The following BRI3BP variants were observed in gnomAD, a reference collection of about 807,000 sequenced individuals.
BRI3BP encodes BRI3 binding protein, also known as BRI3-binding protein.
In BRI3BP, 7 loss-of-function variants were observed where a neutral mutation model predicts 15.8. The ratio of observed to expected loss-of-function variants is 0.44; its 90% CI spans 0.25 to 0.83. BRI3BP has a LOEUF of 0.83. BRI3BP is among the 40% of genes least tolerant of loss of function. The probability of loss-of-function intolerance (pLI) is 0.20; values close to 1 mark genes in which losing one functional copy is unlikely to be tolerated. For missense variants in BRI3BP, 320 were observed against 339.3 expected (o/e 0.94, Z 0.45); for synonymous variants, 192 against 163.5 (o/e 1.17, Z -1.33).
At chr12:125,045,176 TA>T in the BRI3BP span, among the ~76,000 whole-genome samples, 1 of 151,758 alleles carries the variant, frequency 6.6e-6, no homozygotes, top group African/African-American at 2.4e-5. Flanking sequence ...CAGAACTAGC[TA>T]AAAAAAACCA....
At chr12:125,009,029 G>A (rs1050354256) in intron 1 of BRI3BP, among the ~76,000 whole-genome samples, 1 of 151,596 alleles carries the variant, frequency 6.6e-6, no homozygotes, top group Non-Finnish European at 1.5e-5. Flanking sequence ...AGGTTGGAGT[G>A]CAATGGCGTG....
At chr12:125,040,155 G>A in the BRI3BP span, among the ~76,000 whole-genome samples, 47 of 151,678 alleles carry the variant, frequency 3.1e-4, no homozygotes, top group African/African-American at 1.1e-3. Flanking sequence ...CCAGCTACTC[G>A]GGAGGCTGAG....
the BRI3BP span, among the ~76,000 whole-genome samples, chr12:125,039,839 T>C: frequency 0.99 from 150,256 of 152,284 alleles, 74,152 homozygotes; most frequent in East Asian, 1. Context: ...CATTCTCTCA[T>C]GAATGTACAA....
Position 124,993,912 on chromosome 12 carries a change from C to T in BRI3BP, c.122C>T (p.Ala41Val), listed in dbSNP as rs763764239. ...CAGGGGGCGCGGGGCCGCGGCGGCG[C>T]GGAGAAGAACAGCTACCGCCGCACG... is the stretch of plus-strand genomic sequence containing the variant. Reference protein sequence around the residue: ...GAQGARGRGGAEKNSYRRTVN... With the variant: ...GAQGARGRGGVEKNSYRRTVN... Residue 41 changes from alanine (A) to valine (V), a missense_variant, in exon 1 of 3, where the codon GCG (alanine) becomes GTG (valine). Physicochemically the swap from Ala to Val is moderately conservative, Grantham distance 64. Coordinates refer to ENST00000341446, the MANE Select transcript of BRI3BP (RefSeq NM_080626.6). 19 of 1,297,982 alleles carry T rather than the reference C, an allele frequency of 1.5e-5. No homozygotes were observed. In the East Asian group the frequency reaches 5.0e-4, roughly 34 times the overall value. 80.4% of individuals were successfully genotyped at this position (1,297,982 alleles called of 1,614,324 possible).
At chr12:124,997,128 C>CA (rs1414544696) in intron 1 of BRI3BP, among the ~76,000 whole-genome samples, 1 of 149,172 alleles carries the variant, frequency 6.7e-6, no homozygotes, top group African/African-American at 2.5e-5. Flanking sequence ...TGGGAACAGA[C>CA]ATGAGTTTGA....
chr12:125,050,817 C>G, the BRI3BP span, among the ~76,000 whole-genome samples: 2 of 152,186 alleles, frequency 1.3e-5, no homozygotes, highest in African/African-American at 4.8e-5. Context: ...AGGTCTTTAA[C>G]CATCTGCATA....
chr12:125,016,773 G>A (rs1277580589), intron 2 of BRI3BP, among the ~76,000 whole-genome samples: 2 of 145,394 alleles, frequency 1.4e-5, no homozygotes, highest in Non-Finnish European at 3.0e-5. Context: ...TGATCCGCCC[G>A]CCTCAGCCTC....
At chr12:125,024,914 C>G (rs1335793245) in intron 2 of BRI3BP, 77 bp from the exon 3 acceptor site, 11 of 1,348,122 alleles carry the variant, frequency 8.2e-6, no homozygotes, top group African/African-American at 2.9e-5. Context: ...CAGGCCAGCT[C>G]AACTATCCAA....
In BRI3BP at chr12:124,993,725, G is replaced by C; in HGVS notation, c.-66G>C. 2 of 916,314 alleles carry C rather than the reference G, an allele frequency of 2.2e-6. No individual in the cohort carries two copies. The highest frequency in any genetic ancestry group is 4.8e-5 in the South Asian group (1 of 20,778). The allele number at this position is 916,314 out of a possible 1,614,324, so 56.8% of individuals were successfully genotyped here. On this transcript the variant is annotated 5_prime_UTR_variant, in exon 1 of 3. Coordinates refer to ENST00000341446, the MANE Select transcript of BRI3BP (RefSeq NM_080626.6). ...GAGCGCGCCAACCTTGCCCTAGCCGGAGCCCGCTGCGGCCCAGCGCACGGC... is the reference window on the plus strand; with the variant it reads ...GAGCGCGCCAACCTTGCCCTAGCCGCAGCCCGCTGCGGCCCAGCGCACGGC...
intron 1 of BRI3BP, among the ~76,000 whole-genome samples, chr12:125,009,740 A>G (rs1198802663): frequency 1.3e-5 from 2 of 152,096 alleles, no homozygotes; most frequent in African/African-American, 2.4e-5. Context: ...CCCAGCCTCT[A>G]TACTGTTTTT....
intron 1 of BRI3BP, among the ~76,000 whole-genome samples, chr12:124,999,296 C>T (rs1411949762): frequency 8.5e-5 from 13 of 152,144 alleles, no homozygotes; most frequent in East Asian, 7.7e-4. Flanking sequence ...TTCCCACTAC[C>T]GACCCGTCTA....
chr12:125,039,113 C>A, the BRI3BP span, among the ~76,000 whole-genome samples: 1 of 151,948 alleles, frequency 6.6e-6, no homozygotes, highest in South Asian at 2.1e-4. Context: ...ACCCCAAAAC[C>A]AAATTTCTGT....
chr12:125,035,185 C>T (rs1955434363), downstream of BRI3BP, among the ~76,000 whole-genome samples: 1 of 152,150 alleles, frequency 6.6e-6, no homozygotes, highest in South Asian at 2.1e-4. Flanking sequence ...ATACTTTTCA[C>T]TTCTCCCAGG....
At chr12:125,046,275 C>T in the BRI3BP span, among the ~76,000 whole-genome samples, 20,415 of 151,614 alleles carry the variant, frequency 0.13, 1,748 homozygotes, top group East Asian at 0.26. Flanking sequence ...TAAAAGAGGC[C>T]GGGCGCGGTG....
intron 2 of BRI3BP, among the ~76,000 whole-genome samples, chr12:125,013,587 G>A (rs1167377464): frequency 6.6e-6 from 1 of 152,162 alleles, no homozygotes; most frequent in Non-Finnish European, 1.5e-5. Context: ...CCCTAGCTGC[G>A]AGGGAGGCAG....
At chr12:125,019,192 G>A (rs143801699) in intron 2 of BRI3BP, among the ~76,000 whole-genome samples, 133 of 152,236 alleles carry the variant, frequency 8.7e-4, no homozygotes, top group African/African-American at 3.0e-3. Context: ...CCATGGCAGC[G>A]CTAGGGAAGT....
At chr12:125,033,163 C>CA (rs1044400671), downstream of BRI3BP, among the ~76,000 whole-genome samples, 6 of 151,954 alleles carry the variant, frequency 3.9e-5, no homozygotes, top group South Asian at 2.1e-4. Flanking sequence ...AACAAACAAA[C>CA]AAAAAAAACA....
chr12:125,049,766 G>C, the BRI3BP span, among the ~76,000 whole-genome samples: 2 of 152,216 alleles, frequency 1.3e-5, no homozygotes, highest in African/African-American at 4.8e-5. Context: ...GGCCTGGGCC[G>C]ATGTGGCCCA....
downstream of BRI3BP, among the ~76,000 whole-genome samples, chr12:125,036,104 A>G (rs1028562706): frequency 1.3e-5 from 2 of 151,948 alleles, no homozygotes; most frequent in Non-Finnish European, 2.9e-5. Flanking sequence ...TTTGCTCGTC[A>G]CCAAGGCTGC....
Sources: allele counts gnomAD v4.1 joint callset (sites outside exome capture counted in the v4.1 genomes callset), GRCh38; gene constraint gnomAD v4.1.1; transcripts MANE v1.5; gene names NCBI Gene and HGNC (gene_info 2026-07-23, HGNC 2026-07-21).